The following NFASC variants were observed in gnomAD, a reference collection of about 807,000 sequenced individuals.
NFASC encodes the protein neurofascin homolog.
NFASC carries 43 observed loss-of-function variants against 147.5 expected under a neutral mutation model. The ratio of observed to expected loss-of-function variants is 0.29; its 90% CI spans 0.23 to 0.38. The LOEUF is 0.38. NFASC is among the 10% of genes least tolerant of loss of function. The pLI, the probability that NFASC is intolerant of heterozygous loss-of-function variation, is 1.00. For synonymous variants in NFASC, 622 were observed against 665.5 expected, an observed-to-expected ratio of 0.93 and a Z score of 1.01; for missense variants, 1,320 against 1,689.0, an observed-to-expected ratio of 0.78 and a Z score of 3.83.
At chr1:204,999,094 T>C (rs2095915139) in intron 25 of NFASC, 1 of 152,252 alleles carries the variant, frequency 6.6e-6, no homozygotes, top group South Asian at 2.1e-4. Context: ...GAAATAGGCC[T>C]TTTTATTTGT....
At chr1:204,859,854 G>A (rs2076510700) in intron 1 of NFASC, among the ~76,000 whole-genome samples, 1 of 152,180 alleles carries the variant, frequency 6.6e-6, no homozygotes, top group African/African-American at 2.4e-5. Context: ...CAAAGATTAG[G>A]AAAACATACC....
chr1:204,933,093 G>T (rs1337937849), intron 2 of NFASC, among the ~76,000 whole-genome samples: 2 of 152,206 alleles, frequency 1.3e-5, no homozygotes, highest in African/African-American at 2.4e-5. Flanking sequence ...CTTGAGTGCT[G>T]CACTCAGAAG....
intron 27 of NFASC, among the ~76,000 whole-genome samples, chr1:205,005,490 C>CAGTT (rs2096086287): frequency 6.6e-6 from 1 of 152,176 alleles, no homozygotes; most frequent in African/African-American, 2.4e-5. Context: ...TGGCTCCCGT[C>CAGTT]AGTTACAGCT....
chr1:204,915,231 A>G (rs2088890366), intron 1 of NFASC, among the ~76,000 whole-genome samples: 2 of 152,354 alleles, frequency 1.3e-5, no homozygotes, highest in South Asian at 4.1e-4. Flanking sequence ...CAGTGAGCCA[A>G]GATAGCACCA....
chr1:204,937,769 G>A (rs955091385), intron 2 of NFASC, among the ~76,000 whole-genome samples: 3 of 152,182 alleles, frequency 2.0e-5, no homozygotes, highest in Admixed American at 1.3e-4. Context: ...CGTGCAGGTC[G>A]GTTGTGTTTT....
At chr1:204,950,713 T>C in intron 4 of NFASC, 139 bp downstream of exon 4, 1 of 779,482 alleles carries the variant, frequency 1.3e-6, no homozygotes, top group Non-Finnish European at 2.2e-6. Context: ...TGAGGTATCT[T>C]ACTGCGGGGG....
At position 205,016,884 on chromosome 1, in the gene NFASC, G is replaced by A. The variant is rs942410257; in HGVS notation, c.*345G>A. ...CACGCTCACCTTTTCTGTTGGTTAC[G>A]GGACTTCTCATTGTCTTAATTTCGC... On this transcript the variant is annotated 3_prime_UTR_variant, in exon 30 of 30. Transcript: ENST00000339876. This position sits in a 1 kb window ranked among gnomAD's most constrained non-coding sequence, Gnocchi z 5.1. 5.7e-5 allele frequency: 22 copies of A among 387,694 alleles called. No homozygotes were observed. The highest frequency in any genetic ancestry group is 8.9e-5 in the South Asian group (4 of 45,078). 24.0% of individuals were successfully genotyped at this position (387,694 alleles called of 1,614,324 possible).
chr1:204,908,536 TCAC>T (rs1408827965), intron 1 of NFASC, among the ~76,000 whole-genome samples: 2 of 152,136 alleles, frequency 1.3e-5, no homozygotes, highest in Non-Finnish European at 2.9e-5. Context: ...TATTATAGAT[TCAC>T]ATTCAGTTGT....
At chr1:204,942,403 G>A (rs2093419406) in intron 2 of NFASC, among the ~76,000 whole-genome samples, 1 of 152,198 alleles carries the variant, frequency 6.6e-6, no homozygotes, top group African/African-American at 2.4e-5. Flanking sequence ...GGAGAGATGA[G>A]CAGTGAGCTA....
chr1:204,883,597 C>G (rs144114461), intron 1 of NFASC, among the ~76,000 whole-genome samples: 3 of 152,328 alleles, frequency 2.0e-5, no homozygotes, highest in African/African-American at 7.2e-5. Context: ...AACCAGGAAC[C>G]TAGCAGGCCA....
intron 1 of NFASC, among the ~76,000 whole-genome samples, chr1:204,833,670 AG>A (rs1672888024): frequency 6.6e-6 from 1 of 152,222 alleles, no homozygotes; most frequent in Non-Finnish European, 1.5e-5. Flanking sequence ...AAGACAATAC[AG>A]GGTCTAATTA....
At chr1:204,944,049 A>G (rs542483633) in intron 2 of NFASC, among the ~76,000 whole-genome samples, 177 bp from the exon 3 acceptor site, 4 of 152,324 alleles carry the variant, frequency 2.6e-5, no homozygotes, top group African/African-American at 9.6e-5. Flanking sequence ...ACAGTTCCCC[A>G]GGCCAAGAAT....
At chr1:204,830,891 G>T (rs1055214681) in intron 1 of NFASC, among the ~76,000 whole-genome samples, 2 of 152,210 alleles carry the variant, frequency 1.3e-5, no homozygotes, top group Non-Finnish European at 2.9e-5. Context: ...GACTCCTTCA[G>T]CTCCTGTGCA....
At position 204,987,298 on chromosome 1, in the gene NFASC, G is replaced by A; in HGVS notation, c.2471-120G>A. Reference sequence around the variant, plus strand: ...TTCTCCCAGGCTTCAGTTTAGCAGTGTCGAGCATGGGGGTTGTCCAGAGGT... The same window carrying A: ...TTCTCCCAGGCTTCAGTTTAGCAGTATCGAGCATGGGGGTTGTCCAGAGGT... On this transcript the variant is annotated intron_variant, in intron 21 of 29. Coordinates refer to ENST00000339876, the MANE Select transcript of NFASC (RefSeq NM_001005388.3). The surrounding 1 kb of genome is among the most constrained non-coding windows in gnomAD (Gnocchi z 4.4). 1.1e-6 allele frequency: 1 copy of A among 937,436 alleles called. No individual in the cohort carries two copies. Among genetic ancestry groups the A allele is most frequent in the Non-Finnish European group, 1.6e-6 (1 of 612,880 alleles). 58.1% of individuals were successfully genotyped at this position (937,436 alleles called of 1,614,324 possible). A position where few individuals can be genotyped will look rare whatever the true frequency, so the allele number is the denominator to read the frequency against.
chr1:205,012,018 G>T (rs951517649), intron 28 of NFASC, among the ~76,000 whole-genome samples: 1 of 152,202 alleles, frequency 6.6e-6, no homozygotes, highest in Non-Finnish European at 1.5e-5. Context: ...GGCAGAGGTT[G>T]CAGTGAGCCA....
chr1:204,962,289 C>G (rs1573798695), intron 8 of NFASC: 1 of 736,420 alleles, frequency 1.4e-6, no homozygotes, highest in East Asian at 2.7e-5. Context: ...GGTGACACCT[C>G]CAGAAGGCTG....
Position 204,997,246 on chromosome 1 carries a change from C to T in NFASC, c.2859C>T (p.Ala953=). The stretch of plus-strand genomic sequence containing the variant: ...GTACCGATGCTACTGCCATTGCTGC[C>T]ACCACCGAAGCCACAACAGTCCCCA... ...VSSTDATAIA[A]TTEATTVPII... is the part of the protein sequence containing the mutation. Residue 953 remains alanine (A), a synonymous_variant, in exon 25 of 30, where the codon GCC becomes GCT. Transcript: ENST00000339876. 1 of 1,613,142 alleles carries T rather than the reference C, an allele frequency of 6.2e-7. No individual in the cohort carries two copies. The highest frequency in any genetic ancestry group is 8.5e-7 in the Non-Finnish European group (1 of 1,179,770).
chr1:204,881,631 G>A (rs919123571), intron 1 of NFASC, among the ~76,000 whole-genome samples: 4 of 152,108 alleles, frequency 2.6e-5, no homozygotes, highest in Non-Finnish European at 5.9e-5. Context: ...CAGTCTGATG[G>A]GGGGAACCAC....
At position 205,021,474 on chromosome 1, in the gene NFASC, TCGGCATGTGAAGGAATCCCAGAGC is replaced by T. The variant is rs919367964; in HGVS notation, c.*4936_*4959del. 2.0e-5 allele frequency: 3 copies of T among 152,804 alleles called. No homozygotes were observed. Among genetic ancestry groups the T allele is most frequent in the Admixed American group, 6.5e-5 (1 of 15,302 alleles). The allele number at this position is 152,804 out of a possible 1,614,324, so 9.5% of individuals were successfully genotyped here. A position where few individuals can be genotyped will look rare whatever the true frequency, so the allele number is the denominator to read the frequency against. ...ATCTAGCTTAGGACAGAATCGGATT[TCGGCATGTGAAGGAATCCCAGAGC>T]TGATCTCATTGAAATGATCTATCGT... On this transcript the variant is annotated 3_prime_UTR_variant, in exon 30 of 30. Transcript: ENST00000339876.
Sources: gnomAD v4.1 joint callset for allele counts (sites outside exome capture counted in the v4.1 genomes callset) on GRCh38, gnomAD v4.1.1 for gene constraint, Gnocchi (gnomAD v3.1) non-coding constraint, MANE v1.5 for transcripts, NCBI Gene and HGNC (gene_info 2026-07-23, HGNC 2026-07-21) for gene names.